Variants in ZNF107 observed in about 807,000 individuals in gnomAD.
The protein encoded by ZNF107 is C2H2 type zinc-finger protein.
Under a neutral mutation model 12.3 loss-of-function variants are expected in ZNF107, and 19 were observed. The observed-to-expected ratio is 1.55, with a 90% CI of 1.08 to 2.27. The LOEUF is 2.27. ZNF107 is among the 30% of genes most tolerant of loss of function. The pLI is 0.00. For synonymous variants in ZNF107, 317 were observed against 330.5 expected (o/e 0.96, Z 0.44); for missense variants, 958 against 979.9 (o/e 0.98, Z 0.30).
At chr7:64,683,503 C>T (rs1789770868) in intron 1 of ZNF107, among the ~76,000 whole-genome samples, 1 of 152,218 alleles carries the variant, frequency 6.6e-6, no homozygotes, top group Admixed American at 6.5e-5. Context: ...CTACCTACTA[C>T]TCTTCTTCTG....
intron 3 of ZNF107, among the ~76,000 whole-genome samples, chr7:64,704,136 AATT>A (rs1173558767): frequency 2.0e-5 from 1 of 48,816 alleles, no homozygotes; most frequent in Non-Finnish European, 4.2e-5. Context: ...TGTTTATAAT[AATT>A]CCTGTGCTTT....
chr7:64,674,217 T>A (rs1047666492), intron 1 of ZNF107, among the ~76,000 whole-genome samples: 17 of 152,184 alleles, frequency 1.1e-4, no homozygotes, highest in African/African-American at 4.1e-4. Context: ...ATGGCCATTT[T>A]AATAATTTTG....
chr7:64,703,681 A>G (rs1790546766), intron 3 of ZNF107, among the ~76,000 whole-genome samples: 1 of 152,120 alleles, frequency 6.6e-6, no homozygotes, highest in African/African-American at 2.4e-5. Context: ...CACCTGCCTC[A>G]GCCTCGCAAA....
At chr7:64,666,426 G>A in intron 1 of ZNF107, 141 bp downstream of exon 1, 1 of 1,178,460 alleles carries the variant, frequency 8.5e-7, no homozygotes, top group South Asian at 1.4e-5. Flanking sequence ...AGTCCCCCGC[G>A]GCCCCGAGTT....
intron 1 of ZNF107, among the ~76,000 whole-genome samples, chr7:64,688,876 A>C (rs577670701): frequency 5.3e-5 from 8 of 152,318 alleles, no homozygotes; most frequent in Admixed American, 5.2e-4. Flanking sequence ...CTATAGCTTA[A>C]CAATGTTTAT....
In ZNF107 at chr7:64,706,827, C is replaced by T. The variant is rs767522227; in HGVS notation, c.730C>T (p.Leu244Phe). ...CAAAGCCTTTAACCAGTCCTCACAA[C>T]TTACTAGGCATAAGATAATTCATAC... is the stretch of plus-strand genomic sequence containing the variant. ...CGKAFNQSSQ[L>F]TRHKIIHTEE... The change falls in exon 4 of 4, where the codon CTT becomes TTT. Residue 244 changes from leucine (L) to phenylalanine (F), a missense_variant. Physicochemically the swap from Leu to Phe is conservative, Grantham distance 22. Coordinates refer to ENST00000620827, the MANE Select transcript of ZNF107 (RefSeq NM_001282359.2). 1.9e-6 allele frequency: 3 copies of T among 1,613,592 alleles called. No individual in the cohort carries two copies. The highest frequency in any genetic ancestry group is 4.5e-5 in the East Asian group (2 of 44,842).
At chr7:64,702,583 A>G (rs1026932067) in intron 3 of ZNF107, among the ~76,000 whole-genome samples, 9 of 151,612 alleles carry the variant, frequency 5.9e-5, no homozygotes, top group Admixed American at 2.0e-4. Context: ...TTCTTGAGAC[A>G]AAGTTTCGCT....
chr7:64,703,706 G>C (rs369474314), intron 3 of ZNF107, among the ~76,000 whole-genome samples: 32 of 152,148 alleles, frequency 2.1e-4, no homozygotes, highest in African/African-American at 7.5e-4. Flanking sequence ...TGGGATTAAA[G>C]GTCTGAGCCA....
intron 3 of ZNF107, among the ~76,000 whole-genome samples, chr7:64,700,046 G>C (rs758718043): frequency 9.6e-6 from 1 of 104,666 alleles, no homozygotes; most frequent in Admixed American, 1.4e-4. Context: ...GGGCGACAGA[G>C]TGAGACTCCA....
chr7:64,706,178 T>G, intron 3 of ZNF107, 146 bp from the exon 4 acceptor site: 1 of 757,704 alleles, frequency 1.3e-6, no homozygotes, highest in South Asian at 2.7e-5. Context: ...TTTGTTACAT[T>G]TATATGTCTA....
At chr7:64,666,415 C>G (rs1162134447) in intron 1 of ZNF107, 130 bp downstream of exon 1, 4 of 1,277,758 alleles carry the variant, frequency 3.1e-6, no homozygotes, top group Non-Finnish European at 4.3e-6. Context: ...GCTCGGCCCT[C>G]AGTCCCCCGC....
chr7:64,684,736 T>A lies in ZNF107; in HGVS notation c.4-6512T>A, dbSNP rs191761243. 11 of 984,766 alleles carry A rather than the reference T, an allele frequency of 1.1e-5. No individual in the cohort carries two copies. The East Asian group carries it at 1.2e-3, about 112-fold the overall frequency. 61.0% of individuals were successfully genotyped at this position (984,766 alleles called of 1,614,324 possible). A position where few individuals can be genotyped will look rare whatever the true frequency, so the allele number is the denominator to read the frequency against. On this transcript the variant is annotated intron_variant, in intron 1 of 3. Transcript: ENST00000620827. ...CTTAAACTGGATAGATGATCTCATC[T>A]TTTAGGGCACTCTGTATAACTTCTT...
chr7:64,685,391 C>T (rs776763032), intron 1 of ZNF107, among the ~76,000 whole-genome samples: 1 of 151,920 alleles, frequency 6.6e-6, no homozygotes, highest in Non-Finnish European at 1.5e-5. Context: ...TCAAAGCCCC[C>T]AGAAGTCATC....
chr7:64,693,739 T>C (rs1790196255), intron 3 of ZNF107, among the ~76,000 whole-genome samples: 1 of 152,186 alleles, frequency 6.6e-6, no homozygotes, highest in South Asian at 2.1e-4. Context: ...TGGATGAGTA[T>C]GGTTTTCACT....
chr7:64,711,529 A>G lies in ZNF107; in HGVS notation c.*2873A>G, dbSNP rs1252220545. 1 of 151,076 alleles carries G rather than the reference A, an allele frequency of 6.6e-6. No homozygotes were observed. Among genetic ancestry groups the G allele is most frequent in the Non-Finnish European group, 1.5e-5 (1 of 67,882 alleles). 9.4% of individuals were successfully genotyped at this position (151,076 alleles called of 1,614,324 possible). Reference sequence around the variant, plus strand: ...GTTATAATAAAAATTATATACAAGTATAAATAAACCATGAGAAAATTCTGA... The same window carrying G: ...GTTATAATAAAAATTATATACAAGTGTAAATAAACCATGAGAAAATTCTGA... On this transcript the variant is annotated 3_prime_UTR_variant, in exon 4 of 4. Transcript: ENST00000620827.
chr7:64,681,196 G>T (rs189048565), intron 1 of ZNF107, among the ~76,000 whole-genome samples: 1 of 152,174 alleles, frequency 6.6e-6, no homozygotes, highest in African/African-American at 2.4e-5. Context: ...GACCATCATG[G>T]ACCTCGGGTA....
intron 1 of ZNF107, among the ~76,000 whole-genome samples, chr7:64,688,542 G>A (rs73136792): frequency 6.6e-6 from 1 of 152,010 alleles, no homozygotes; most frequent in Non-Finnish European, 1.5e-5. Flanking sequence ...ACAGGTATGA[G>A]CCACCACACC....
Position 64,708,183 on chromosome 7 carries a change from A to C in ZNF107, c.2086A>C (p.Lys696Gln). Residue 696 changes from lysine (K) to glutamine (Q), a missense_variant, in exon 4 of 4, where the codon AAG (lysine) becomes CAG (glutamine). Coordinates refer to ENST00000620827, the MANE Select transcript of ZNF107 (RefSeq NM_001282359.2). ...CCGATTCTCAAACCTAACTATACAT[A>C]AGAGAATTCATACGGGAGAGAAACC... ...YNRFSNLTIH[K>Q]RIHTGEKPYQ... The C allele has an allele frequency of 6.2e-7, 1 of 1,612,342 alleles. No individual in the cohort carries two copies. The highest frequency in any genetic ancestry group is 8.5e-7 in the Non-Finnish European group (1 of 1,179,430).
intron 1 of ZNF107, among the ~76,000 whole-genome samples, chr7:64,676,935 A>T (rs1333453824): frequency 1.3e-5 from 2 of 152,166 alleles, no homozygotes; most frequent in Non-Finnish European, 2.9e-5. Flanking sequence ...GTTAAAAAAA[A>T]TGCAGATTCA....
Sources: allele counts gnomAD v4.1 joint callset (sites outside exome capture counted in the v4.1 genomes callset), GRCh38; gene constraint gnomAD v4.1.1; transcripts MANE v1.5; gene names NCBI Gene and HGNC (gene_info 2026-07-23, HGNC 2026-07-21).